EML6: variants seen among roughly 807,000 people sequenced by gnomAD.
EML6 encodes echinoderm microtubule-associated protein-like 6.
In EML6, 154 loss-of-function variants were observed where a neutral mutation model predicts 240.1. The ratio of observed to expected loss-of-function variants is 0.64; its 90% CI spans 0.56 to 0.73. The LOEUF is 0.73. Among genes scored for constraint, EML6 ranks in the 30% least tolerant of loss-of-function variants. The pLI is 0.00. For synonymous variants in EML6, 1,148 were observed against 899.0 expected, an observed-to-expected ratio of 1.28 and a Z score of -4.95; for missense variants, 2,964 against 2,474.6, an observed-to-expected ratio of 1.20 and a Z score of -4.20.
intron 38 of EML6, among the ~76,000 whole-genome samples, chr2:54,965,144 A>G (rs11687609): frequency 0.093 from 14,175 of 152,168 alleles, 900 homozygotes; most frequent in Non-Finnish European, 0.13. Flanking sequence ...GACTCCAGCC[A>G]GTGGGCCTGG....
intron 39 of EML6, among the ~76,000 whole-genome samples, chr2:54,967,886 A>C (rs868156766): frequency 6.6e-6 from 1 of 152,148 alleles, no homozygotes; most frequent in Admixed American, 6.5e-5. Flanking sequence ...TGAGACTCTA[A>C]TGCTGCGGCA....
chr2:54,882,875 G>C (rs372731287), intron 17 of EML6: 4 of 43,848 alleles, frequency 9.1e-5, no homozygotes, highest in Non-Finnish European at 1.3e-4. Flanking sequence ...AAAAAAAAAA[G>C]AAAGCTTAGG....
In EML6 at chr2:54,916,801, C is replaced by T. The variant is rs1482301157; in HGVS notation, c.3541C>T (p.Pro1181Ser). 1.3e-6 allele frequency: 2 copies of T among 1,544,050 alleles called. No homozygotes were observed. Among genetic ancestry groups the T allele is most frequent in the Non-Finnish European group, 1.8e-6 (2 of 1,141,226 alleles). ...GGACACATGGACCTGTGTCCTGGGGCCCACCTGTGAGGGAATCTGGCCAGC... is the reference window on the plus strand; with the variant it reads ...GGACACATGGACCTGTGTCCTGGGGTCCACCTGTGAGGGAATCTGGCCAGC... ...EWDTWTCVLGPTCEGIWPAHS... is the reference protein window; with the variant it reads ...EWDTWTCVLGSTCEGIWPAHS... The change falls in exon 26 of 42, where the codon CCC (proline) becomes TCC (serine). Residue 1181 changes from proline (P) to serine (S), a missense_variant. Coordinates refer to ENST00000356458, the MANE Select transcript of EML6 (RefSeq NM_001039753.4).
intron 2 of EML6, among the ~76,000 whole-genome samples, chr2:54,779,718 G>A (rs888137614): frequency 6.0e-5 from 9 of 151,074 alleles, no homozygotes; most frequent in Admixed American, 1.3e-4. Flanking sequence ...AAAAATTAGC[G>A]GGGTATGGTG....
intron 2 of EML6, among the ~76,000 whole-genome samples, chr2:54,757,762 G>A (rs1285947324): frequency 1.3e-5 from 2 of 152,048 alleles, no homozygotes; most frequent in Admixed American, 6.6e-5. Context: ...CCAGGTTTCC[G>A]GCTGTGAGCT....
At chr2:54,823,513 A>G (rs1340703063) in intron 5 of EML6, among the ~76,000 whole-genome samples, 1 of 152,194 alleles carries the variant, frequency 6.6e-6, no homozygotes, top group East Asian at 1.9e-4. Flanking sequence ...TAAACTAGCC[A>G]ATAAATCACG....
intron 2 of EML6, among the ~76,000 whole-genome samples, chr2:54,812,321 T>C (rs1298635964): frequency 9.8e-6 from 1 of 101,804 alleles, no homozygotes; most frequent in Non-Finnish European, 2.0e-5. Context: ...TGCCAAACAC[T>C]GAAAAAAAAA....
chr2:54,878,629 G>T (rs918487660), intron 16 of EML6, among the ~76,000 whole-genome samples: 7 of 152,144 alleles, frequency 4.6e-5, no homozygotes, highest in Non-Finnish European at 7.3e-5. Flanking sequence ...AGTAATCATG[G>T]ATAATTATTA....
At chr2:54,854,573 C>T (rs569401319) in intron 11 of EML6, among the ~76,000 whole-genome samples, 1 of 152,284 alleles carries the variant, frequency 6.6e-6, no homozygotes, top group African/African-American at 2.4e-5. Context: ...GAAAAGTAAT[C>T]AACAGGGACA....
intron 4 of EML6, among the ~76,000 whole-genome samples, chr2:54,818,972 C>G (rs1022153414): frequency 1.3e-5 from 2 of 152,164 alleles, no homozygotes; most frequent in African/African-American, 4.8e-5. Flanking sequence ...GTTTTATACC[C>G]TGCAAAATGA....
intron 8 of EML6, among the ~76,000 whole-genome samples, chr2:54,844,687 C>G (rs1669654247): frequency 6.6e-6 from 1 of 152,132 alleles, no homozygotes. Context: ...CATGAATAAG[C>G]TATTATTTCT....
At chr2:54,953,822 G>T (rs1676100542) in intron 31 of EML6, among the ~76,000 whole-genome samples, 161 bp from the exon 32 acceptor site, 1 of 151,784 alleles carries the variant, frequency 6.6e-6, no homozygotes, top group Admixed American at 6.6e-5. Context: ...AGGACGTGGA[G>T]GTTGCGGTGA....
chr2:54,903,448 G>C lies in EML6; in HGVS notation c.3355G>C (p.Gly1119Arg). 2 of 1,551,940 alleles carry C rather than the reference G, an allele frequency of 1.3e-6. No individual in the cohort carries two copies. Among genetic ancestry groups the C allele is most frequent in the South Asian group, 2.4e-5 (2 of 84,060 alleles). Residue 1119 changes from glycine to arginine, a missense_variant, in exon 24 of 42, where the codon GGC becomes CGC. Gly to Arg is a moderately radical substitution (Grantham distance 125, BLOSUM62 -2). Coordinates refer to ENST00000356458, the MANE Select transcript of EML6 (RefSeq NM_001039753.4). ...CAACGTACTTACAAGCAAAAGGGTT[G>C]GCATCTGTAAAGGTGCTTCTAGTTA... ...IYNVLTSKRV[G>R]ICKGASSYIT...
intron 2 of EML6, among the ~76,000 whole-genome samples, chr2:54,741,195 C>T (rs947040913): frequency 1.3e-5 from 2 of 152,116 alleles, no homozygotes; most frequent in Admixed American, 1.3e-4. Context: ...CTCTATCTTA[C>T]TGCTTCTGCC....
intron 2 of EML6, among the ~76,000 whole-genome samples, chr2:54,806,128 TATGTATATATAC>T (rs1214085964): frequency 6.6e-6 from 1 of 152,202 alleles, no homozygotes; most frequent in Non-Finnish European, 1.5e-5. Context: ...TATATGTGTG[TATGTATATATAC>T]ATGTATGTAT....
chr2:54,758,347 T>C (rs918443344), intron 2 of EML6, among the ~76,000 whole-genome samples: 2 of 152,128 alleles, frequency 1.3e-5, no homozygotes, highest in African/African-American at 4.8e-5. Context: ...TATGTCCTGG[T>C]TGTGGAGACA....
intron 28 of EML6, among the ~76,000 whole-genome samples, chr2:54,937,181 G>A (rs180750505): frequency 1.3e-4 from 20 of 152,034 alleles, no homozygotes; most frequent in Admixed American, 9.8e-4. Flanking sequence ...GAGAGGCTGA[G>A]GCAGGAGAAT....
At chr2:54,867,599 AGC>A (rs1324465703) in intron 14 of EML6, 2 of 152,230 alleles carry the variant, frequency 1.3e-5, no homozygotes, top group African/African-American at 4.8e-5. Context: ...ACAAAAAACT[AGC>A]CAGATGTGGT....
chr2:54,796,013 C>A (rs1293410577), intron 2 of EML6, among the ~76,000 whole-genome samples: 1 of 152,008 alleles, frequency 6.6e-6, no homozygotes, highest in African/African-American at 2.4e-5. Context: ...TCATCTAAAT[C>A]TCAAAACACT....
Sources: gnomAD v4.1 joint callset for allele counts (sites outside exome capture counted in the v4.1 genomes callset) on GRCh38, gnomAD v4.1.1 for gene constraint, MANE v1.5 for transcripts, NCBI Gene and HGNC (gene_info 2026-07-23, HGNC 2026-07-21) for gene names.